AFF1: variants seen among roughly 807,000 people sequenced by gnomAD.
AFF1 encodes ALF transcription elongation factor 1.
AFF1 carries 48 observed loss-of-function variants against 121.7 expected under a neutral mutation model. The observed-to-expected ratio is 0.39, with a 90% CI of 0.31 to 0.50. The LOEUF (loss-of-function observed/expected upper bound fraction) is 0.50, where lower values mean the gene tolerates loss of function less well. Ranked by LOEUF, AFF1 falls within the 20% of genes least tolerant of loss-of-function variation. The pLI is 0.76. For synonymous variants in AFF1, 613 were observed against 563.0 expected (o/e 1.09, Z -1.26); for missense variants, 1,523 against 1,511.7 (o/e 1.01, Z -0.12).
At chr4:86,939,727 C>T (rs545506151) in intron 1 of AFF1, among the ~76,000 whole-genome samples, 2 of 152,310 alleles carry the variant, frequency 1.3e-5, no homozygotes, top group African/African-American at 2.4e-5. Flanking sequence ...TATGTGCAGC[C>T]TGGCAGTAGT....
rs1491425772 is a variant in AFF1, at chr4:86,937,795, G to GGGGGT, written c.-37+2559_-37+2560insTGGGG. Among the ~76,000 whole-genome samples the GGGGGT allele has an allele frequency of 0.019, 45 of 2,350 alleles. No homozygotes were observed. The Non-Finnish European group carries it at 0.31, about 16-fold the overall frequency. 1.5% of individuals were successfully genotyped at this position (2,350 alleles called of 152,430 possible). A position where few individuals can be genotyped will look rare whatever the true frequency, so the allele number is the denominator to read the frequency against. On this transcript the variant is annotated intron_variant, in intron 1 of 20. Coordinates refer to ENST00000395146, the MANE Select transcript of AFF1 (RefSeq NM_001166693.3). The stretch of plus-strand genomic sequence containing the variant: ...GATGGCTTGGGGTGGGGGTGGGGGT[G>GGGGGT]GGGGGCTCCCTATGTTACCCAGGTG...
chr4:87,116,224 A>T (rs1239775589), intron 12 of AFF1, among the ~76,000 whole-genome samples: 1 of 152,232 alleles, frequency 6.6e-6, no homozygotes, highest in African/African-American at 2.4e-5. Context: ...TAATTTTGGA[A>T]GATTCTTTTG....
chr4:86,945,574 A>G (rs1002814820), intron 1 of AFF1, among the ~76,000 whole-genome samples: 37 of 136,318 alleles, frequency 2.7e-4, no homozygotes, highest in African/African-American at 9.9e-4. Context: ...ATCACAGTTC[A>G]CTGCAGCTTC....
rs1729456692 is a variant in AFF1 at position 87,138,282 on chromosome 4, A to G, written c.*2581A>G. The G allele has an allele frequency of 8.6e-6, 2 of 232,500 alleles. No individual in the cohort carries two copies. The highest frequency in any genetic ancestry group is 1.7e-5 in the Non-Finnish European group (2 of 117,686). The allele number at this position is 232,500 out of a possible 1,614,324, so 14.4% of individuals were successfully genotyped here. The stretch of plus-strand genomic sequence containing the variant: ...TATAGAGGTCTGAAGGATTTTTAAA[A>G]TGATTTGCACTTTTTCACTGCATGC... On this transcript the variant is annotated 3_prime_UTR_variant, in exon 21 of 21. Transcript: ENST00000395146.
At chr4:86,949,407 G>A (rs373505477) in intron 2 of AFF1, among the ~76,000 whole-genome samples, 2 of 150,420 alleles carry the variant, frequency 1.3e-5, no homozygotes, top group African/African-American at 2.4e-5. Context: ...GAGCCTCTGC[G>A]CTACTCCAAA....
intron 5 of AFF1, among the ~76,000 whole-genome samples, chr4:87,086,166 G>T (rs573224139): frequency 1.3e-5 from 2 of 152,272 alleles, no homozygotes; most frequent in South Asian, 2.1e-4. Flanking sequence ...TGTTGGTATG[G>T]TAAGTCGTAA....
intron 2 of AFF1, among the ~76,000 whole-genome samples, chr4:86,951,919 CCTTT>C (rs1362838508): frequency 1.4e-5 from 2 of 144,192 alleles, no homozygotes; most frequent in African/African-American, 2.5e-5. Context: ...TGGCTGGGAA[CCTTT>C]TTTTTTTTTT....
chr4:87,057,541 C>T (rs1391941188), intron 4 of AFF1, among the ~76,000 whole-genome samples: 4 of 151,604 alleles, frequency 2.6e-5, no homozygotes, highest in Non-Finnish European at 5.9e-5. Flanking sequence ...GTTCCATACT[C>T]CTACTATGGA....
chr4:87,128,937 G>T (rs964567956), intron 16 of AFF1, among the ~76,000 whole-genome samples: 1 of 152,104 alleles, frequency 6.6e-6, no homozygotes, highest in Non-Finnish European at 1.5e-5. Context: ...TAAATATTTC[G>T]CACTGTCAGC....
intron 8 of AFF1, among the ~76,000 whole-genome samples, chr4:87,101,258 A>G (rs1265698588): frequency 6.6e-6 from 1 of 152,214 alleles, no homozygotes; most frequent in Non-Finnish European, 1.5e-5. Context: ...ACATCAAGAA[A>G]GGAATCAGAG....
intron 17 of AFF1, among the ~76,000 whole-genome samples, chr4:87,131,456 A>G (rs1728820082): frequency 6.6e-6 from 1 of 152,196 alleles, no homozygotes. Context: ...CAAAGCTTTG[A>G]GGGAGATTGG....
intron 1 of AFF1, chr4:86,935,935 G>C (rs961699352): frequency 6.6e-6 from 1 of 152,334 alleles, no homozygotes; most frequent in Admixed American, 6.5e-5. Flanking sequence ...TGCGAGCGCC[G>C]GAGCCAGCGA....
In AFF1 at chr4:86,960,752, C is replaced by T. The variant is rs1722091163; in HGVS notation, c.38+12181C>T. 2.0e-5 allele frequency among the ~76,000 whole-genome samples: 3 copies of T among 152,092 alleles called. No homozygotes were observed. The South Asian group carries it at 6.2e-4, about 31-fold the overall frequency. On this transcript the variant is annotated intron_variant, in intron 2 of 20. Coordinates refer to ENST00000395146, the MANE Select transcript of AFF1 (RefSeq NM_001166693.3). ...CAGTAAACTCTCGTTGTGTAGTCAGCTCCCCACCAAGCTTATCTCTTGCTG... is the reference window on the plus strand; with the variant it reads ...CAGTAAACTCTCGTTGTGTAGTCAGTTCCCCACCAAGCTTATCTCTTGCTG...
At chr4:86,957,454 A>G (rs1465791114) in intron 2 of AFF1, among the ~76,000 whole-genome samples, 2 of 152,204 alleles carry the variant, frequency 1.3e-5, no homozygotes, top group Non-Finnish European at 2.9e-5. Flanking sequence ...TACTGGAGAA[A>G]GCAAAAGCCT....
At chr4:87,126,667 AT>A (rs1441155390) in intron 14 of AFF1, among the ~76,000 whole-genome samples, 1 of 152,180 alleles carries the variant, frequency 6.6e-6, no homozygotes, top group Non-Finnish European at 1.5e-5. Flanking sequence ...AGATACTTTC[AT>A]TCTTGGTTAT....
At chr4:87,071,488 G>C (rs922240595) in intron 4 of AFF1, among the ~76,000 whole-genome samples, 1 of 152,104 alleles carries the variant, frequency 6.6e-6, no homozygotes, top group African/African-American at 2.4e-5. Context: ...GCCAGTTAAA[G>C]AAATTCAAGT....
At chr4:87,049,937 C>T (rs1208643589) in intron 4 of AFF1, among the ~76,000 whole-genome samples, 1 of 152,140 alleles carries the variant, frequency 6.6e-6, no homozygotes, top group Non-Finnish European at 1.5e-5. Flanking sequence ...TAATGAAGAT[C>T]TCATGTTGCA....
intron 2 of AFF1, among the ~76,000 whole-genome samples, chr4:87,019,947 G>A (rs1366335645): frequency 1.3e-5 from 2 of 152,100 alleles, no homozygotes; most frequent in African/African-American, 4.8e-5. Flanking sequence ...TCTCCAGGTA[G>A]TTGTGTAGAT....
chr4:87,050,868 C>T (rs1055476387), intron 4 of AFF1, among the ~76,000 whole-genome samples: 2 of 152,160 alleles, frequency 1.3e-5, no homozygotes, highest in Non-Finnish European at 2.9e-5. Flanking sequence ...TTCTTTATAT[C>T]GTTCTTTTCT....
Sources: gnomAD v4.1 joint callset for allele counts (sites outside exome capture counted in the v4.1 genomes callset) on GRCh38, gnomAD v4.1.1 for gene constraint, MANE v1.5 for transcripts, NCBI Gene and HGNC (gene_info 2026-07-23, HGNC 2026-07-21) for gene names.